The following EZH2 variants were observed in gnomAD, a reference collection of about 807,000 sequenced individuals.
The protein encoded by EZH2 is histone-lysine N-methyltransferase EZH2.
A neutral mutation model predicts 98.4 loss-of-function variants in EZH2; 18 were observed. The observed-to-expected ratio is 0.18, with a 90% confidence interval of 0.13 to 0.27. The LOEUF (loss-of-function observed/expected upper bound fraction) is 0.27, where lower values mean the gene tolerates loss of function less well. Among genes scored for constraint, EZH2 ranks in the 10% least tolerant of loss-of-function variants. The pLI is 1.00. For synonymous variants in EZH2, 338 were observed against 312.3 expected, an observed-to-expected ratio of 1.08 and a Z score of -0.87; for missense variants, 470 against 935.1, an observed-to-expected ratio of 0.50 and a Z score of 6.49.
At chr7:148,813,399 T>TA (rs1803714266) in intron 15 of EZH2, among the ~76,000 whole-genome samples, 1 of 151,976 alleles carries the variant, frequency 6.6e-6, no homozygotes, top group Non-Finnish European at 1.5e-5. Flanking sequence ...CAATCATTAC[T>TA]TCCTGGCTGA....
chr7:148,829,991 A>T, intron 4 of EZH2, 143 bp from the exon 5 acceptor site: 2 of 532,652 alleles, frequency 3.8e-6, no homozygotes, highest in Non-Finnish European at 6.1e-6. Flanking sequence ...CAAACTCTAA[A>T]ATTTATCAAA....
chr7:148,878,941 C>A (rs969332743), intron 1 of EZH2, among the ~76,000 whole-genome samples: 1 of 150,142 alleles, frequency 6.7e-6, no homozygotes, highest in Non-Finnish European at 1.5e-5. Flanking sequence ...AGTATCCAGG[C>A]CAGGCGTGCG....
chr7:148,841,186 T>C (rs1169425474), intron 3 of EZH2, among the ~76,000 whole-genome samples: 1 of 152,094 alleles, frequency 6.6e-6, no homozygotes, highest in East Asian at 1.9e-4. Context: ...ATGACCTTTT[T>C]TTTTTAAGCT....
intron 10 of EZH2, 76 bp from the exon 11 acceptor site, chr7:148,817,467 A>C: frequency 6.8e-7 from 1 of 1,461,326 alleles, no homozygotes; most frequent in African/African-American, 1.4e-5. Flanking sequence ...GGGTGTGCTT[A>C]AGAAAAAAGC....
chr7:148,826,461 G>C lies in EZH2; in HGVS notation c.900C>G (p.Cys300Trp). 31 of 1,574,356 alleles carry C rather than the reference G, an allele frequency of 2.0e-5. No individual in the cohort carries two copies. The highest frequency in any genetic ancestry group is 2.7e-5 in the Non-Finnish European group (31 of 1,158,082). ...FKYDCFLHRK[C>W]NYSFHATPNT... is the part of the protein sequence containing the mutation. Reference sequence around the variant, plus strand: ...TAGAAAATGAAAACGTACAATAATTGCACTTACGATGTAGGAAGCAGTCAT... The same window carrying C: ...TAGAAAATGAAAACGTACAATAATTCCACTTACGATGTAGGAAGCAGTCAT... The change falls in exon 8 of 20, where the codon TGC becomes TGG. Residue 300 changes from cysteine to tryptophan, a missense_variant. Around this residue, in one of 6 missense-constraint regions of EZH2, gnomAD observed 192 missense variants for 306.8 expected, o/e 0.63. Transcript: ENST00000320356.
intron 14 of EZH2, 62 bp from the exon 15 acceptor site, chr7:148,814,199 A>T (rs1181318392): frequency 6.6e-7 from 1 of 1,517,120 alleles, no homozygotes; most frequent in East Asian, 2.3e-5. Flanking sequence ...GCAGAAAGAT[A>T]CGTGGCAAGG....
intron 1 of EZH2, among the ~76,000 whole-genome samples, chr7:148,871,851 G>A (rs1233931123): frequency 6.6e-6 from 1 of 152,054 alleles, no homozygotes; most frequent in African/African-American, 2.4e-5. Flanking sequence ...TGGGATTACA[G>A]GCATCAGCCA....
intron 1 of EZH2, among the ~76,000 whole-genome samples, chr7:148,848,502 A>G (rs1268896563): frequency 1.3e-5 from 2 of 152,208 alleles, no homozygotes; most frequent in African/African-American, 2.4e-5. Flanking sequence ...CTTCATGCAC[A>G]GAGAAAACTG....
intron 3 of EZH2, among the ~76,000 whole-genome samples, chr7:148,843,583 G>GCT (rs1813072711): frequency 1.6e-5 from 1 of 64,310 alleles, no homozygotes; most frequent in Non-Finnish European, 2.6e-5. Context: ...GGGAGTATAA[G>GCT]TTTTTTTTTT....
At chr7:148,851,123 A>G (rs933153212) in intron 1 of EZH2, among the ~76,000 whole-genome samples, 12 of 152,152 alleles carry the variant, frequency 7.9e-5, no homozygotes, top group Non-Finnish European at 1.2e-4. Flanking sequence ...TCTTATCAGC[A>G]TATCATTTGT....
chr7:148,854,763 G>T (rs950693611), intron 1 of EZH2, among the ~76,000 whole-genome samples: 2 of 152,130 alleles, frequency 1.3e-5, no homozygotes, highest in East Asian at 3.9e-4. Flanking sequence ...CTTCAATAGT[G>T]CCTGTTTGTA....
At chr7:148,829,193 T>C (rs1414510966) in intron 5 of EZH2, among the ~76,000 whole-genome samples, 2 of 152,172 alleles carry the variant, frequency 1.3e-5, no homozygotes, top group African/African-American at 4.8e-5. Flanking sequence ...CTTTAACTGA[T>C]CATTTCAGAC....
chr7:148,848,554 G>C (rs1043717629), intron 1 of EZH2, among the ~76,000 whole-genome samples: 1 of 152,168 alleles, frequency 6.6e-6, no homozygotes, highest in Admixed American at 6.5e-5. Context: ...AGGCCAATGG[G>C]TAACTTTCTA....
intron 10 of EZH2, 65 bp from the exon 11 acceptor site, chr7:148,817,456 A>C: frequency 6.6e-7 from 1 of 1,519,672 alleles, no homozygotes; most frequent in East Asian, 2.3e-5. Context: ...AGTACAATTC[A>C]GGGTGTGCTT....
rs756997278 is a variant in EZH2 at position 148,819,733 on chromosome 7, T to A, written c.908-46A>T. On this transcript the variant is annotated intron_variant, in intron 8 of 19. Transcript: ENST00000320356. Reference sequence around the variant, plus strand: ...AGAATCTAATATAACTATAAAATACTTACTTTTTCACTCTTCCAGTTCCAC... The same window carrying A: ...AGAATCTAATATAACTATAAAATACATACTTTTTCACTCTTCCAGTTCCAC... 2.8e-5 allele frequency: 43 copies of A among 1,536,366 alleles called. 1 individual carries two copies. In the South Asian group the frequency reaches 4.7e-4, roughly 17 times the overall value.
chr7:148,825,476 A>C (rs978835037), intron 8 of EZH2, among the ~76,000 whole-genome samples: 1 of 152,266 alleles, frequency 6.6e-6, no homozygotes, highest in Non-Finnish European at 1.5e-5. Flanking sequence ...TAACATTTCC[A>C]GACCAATGTA....
At chr7:148,878,154 A>G in intron 1 of EZH2, among the ~76,000 whole-genome samples, 1 of 152,362 alleles carries the variant, frequency 6.6e-6, no homozygotes, top group East Asian at 1.9e-4. Flanking sequence ...TTTTAAGTGT[A>G]CAATTCTGTG....
chr7:148,827,004 T>C (rs891166090), intron 7 of EZH2, among the ~76,000 whole-genome samples, 160 bp downstream of exon 7: 5 of 152,242 alleles, frequency 3.3e-5, no homozygotes, highest in Admixed American at 2.0e-4. Context: ...TATTTTGTAA[T>C]GCAGAGTACC....
chr7:148,864,944 C>T (rs904225653), intron 1 of EZH2, among the ~76,000 whole-genome samples: 2 of 151,744 alleles, frequency 1.3e-5, no homozygotes, highest in Non-Finnish European at 2.9e-5. Flanking sequence ...CTGGCCAACA[C>T]GGTAAAACCC....
Sources: allele counts gnomAD v4.1 joint callset (sites outside exome capture counted in the v4.1 genomes callset), GRCh38; gene constraint gnomAD v4.1.1; regional missense constraint gnomAD v4.1.1; transcripts MANE v1.5; gene names NCBI Gene and HGNC (gene_info 2026-07-23, HGNC 2026-07-21).